Variants in NOTCH3 observed in about 807,000 individuals in gnomAD.
NOTCH3 encodes notch receptor 3, also known as neurogenic locus notch homolog protein 3.
In NOTCH3, 86 loss-of-function variants were observed where a neutral mutation model predicts 213.3. That is an observed-to-expected ratio of 0.40 (90% confidence interval 0.34 to 0.48). The LOEUF (loss-of-function observed/expected upper bound fraction) is 0.48, where lower values mean the gene tolerates loss of function less well. Ranked by LOEUF, NOTCH3 falls within the 20% of genes least tolerant of loss-of-function variation. The pLI is 0.57. For missense variants in NOTCH3, 2,783 were observed against 3,272.6 expected (o/e 0.85, Z 3.65); for synonymous variants, 1,354 against 1,355.9 (o/e 1.00, Z 0.03).
At chr19:15,163,958 C>T (rs1353448992) in intron 31 of NOTCH3, among the ~76,000 whole-genome samples, 1 of 152,162 alleles carries the variant, frequency 6.6e-6, no homozygotes, top group East Asian at 1.9e-4. Flanking sequence ...AAAAAGACCA[C>T]GTATCATATG....
In NOTCH3 at chr19:15,179,131, T is replaced by C; in HGVS notation, c.3612A>G (p.Ala1204=). 6.2e-7 allele frequency: 1 copy of C among 1,614,206 alleles called. No individual in the cohort carries two copies. The highest frequency in any genetic ancestry group is 8.5e-7 in the Non-Finnish European group (1 of 1,180,030). ...PPGYTGLRCE[A]DINECRSGAC... ...CACCTGAGCGACACTCATTGATGTC[T>C]GCCTCGCAGCGCAAACCAGTGTATC... Residue 1204 remains alanine, a synonymous_variant, in exon 22 of 33, where the codon GCA becomes GCG. Transcript: ENST00000263388.
Position 15,161,266 on chromosome 19 carries a change from A to G in NOTCH3, c.6362T>C (p.Phe2121Ser), listed in dbSNP as rs2145381827. The change falls in exon 33 of 33, where the codon TTC (phenylalanine) becomes TCC (serine). Residue 2121 changes from phenylalanine (F) to serine (S), a missense_variant. Physicochemically the swap from Phe to Ser is radical, Grantham distance 155. This residue lies in a region of NOTCH3 where 441 missense variants were observed against 432.1 expected (regional missense o/e 1.02). Transcript: ENST00000263388. Reference sequence around the variant, plus strand: ...AGCTGCATAGGGCCCCTCAAGGGGGAAGCCACCAGGGGAAGCAGGGGGCCC... The same window carrying G: ...AGCTGCATAGGGCCCCTCAAGGGGGGAGCCACCAGGGGAAGCAGGGGGCCC... ...FGGPPASPGG[F>S]PLEGPYAAAT... 2 of 1,544,594 alleles carry G rather than the reference A, an allele frequency of 1.3e-6. No individual in the cohort carries two copies. Among genetic ancestry groups the G allele is most frequent in the Admixed American group, 2.0e-5 (1 of 50,438 alleles).
At position 15,187,327 on chromosome 19, in the gene NOTCH3, T is replaced by C. The variant is rs1449425217; in HGVS notation, c.1618A>G (p.Thr540Ala). Residue 540 changes from threonine (T) to alanine (A), a missense_variant, in exon 11 of 33, where the codon ACG (threonine) becomes GCG (alanine). By Grantham distance (58) the Thr-to-Ala change is moderately conservative. Coordinates refer to ENST00000263388, the MANE Select transcript of NOTCH3 (RefSeq NM_000435.3). ...TCGTCCACGTTGCGATCACACAGCG[T>C]GCCCTCAAAGCCTGTGGGGCCAAGA... is the stretch of plus-strand genomic sequence containing the variant. ...ECRCAEGFEG[T>A]LCDRNVDDCS... 2 of 1,613,458 alleles carry C rather than the reference T, an allele frequency of 1.2e-6. No individual in the cohort carries two copies. Among genetic ancestry groups the C allele is most frequent in the Non-Finnish European group, 1.7e-6 (2 of 1,179,856 alleles).
Position 15,166,107 on chromosome 19 carries a change from T to C in NOTCH3, c.5363-16A>G, listed in dbSNP as rs778170909. On this transcript the variant is annotated splice_polypyrimidine_tract_variant and intron_variant, in intron 29 of 32. Coordinates refer to ENST00000263388, the MANE Select transcript of NOTCH3 (RefSeq NM_000435.3). Reference sequence around the variant, plus strand: ...GTGAAGCCATCTGCAGGGACAGGAGTGTGTCAGCAGGAAGGTAAACACAGG... The same window carrying C: ...GTGAAGCCATCTGCAGGGACAGGAGCGTGTCAGCAGGAAGGTAAACACAGG... The C allele has an allele frequency of 1.2e-6, 2 of 1,611,150 alleles. No homozygotes were observed. Among genetic ancestry groups the C allele is most frequent in the South Asian group, 2.2e-5 (2 of 90,992 alleles).
chr19:15,159,447 C>T lies in NOTCH3; in HGVS notation c.*1215G>A, dbSNP rs1376469166. 5.4e-6 allele frequency: 1 copy of T among 185,708 alleles called. No individual in the cohort carries two copies. Among genetic ancestry groups the T allele is most frequent in the Non-Finnish European group, 1.1e-5 (1 of 87,848 alleles). The allele number at this position is 185,708 out of a possible 1,614,324, so 11.5% of individuals were successfully genotyped here. On this transcript the variant is annotated 3_prime_UTR_variant, in exon 33 of 33. Transcript: ENST00000263388. The stretch of plus-strand genomic sequence containing the variant: ...TTCTCGAGCAAAAGAATCTGATTGG[C>T]TCAGCTTAAGTCAGGTGACAACCAC...
intron 28 of NOTCH3, among the ~76,000 whole-genome samples, chr19:15,168,694 C>A (rs2046705474): frequency 6.6e-6 from 1 of 152,002 alleles, no homozygotes; most frequent in African/African-American, 2.4e-5. Flanking sequence ...ATTAGCCGGG[C>A]ATGGTAGCAC....
chr19:15,177,781 C>T lies in NOTCH3; in HGVS notation c.4147G>A (p.Glu1383Lys). ...GCGGCGCGCGGGCACCGCGGCTCCT[C>T]CGAGACCTCGGGTGCCGCGGCGGGC... Reference protein sequence around the residue: ...EAPAAAPEVSEEPRCPRAACQ... With the variant: ...EAPAAAPEVSKEPRCPRAACQ... Residue 1383 changes from glutamate (E) to lysine (K), a missense_variant, in exon 24 of 33, where the codon GAG becomes AAG. By Grantham distance (56) the Glu-to-Lys change is moderately conservative. Around this residue, in one of 6 missense-constraint regions of NOTCH3, gnomAD observed 133 missense variants for 201.9 expected, o/e 0.66. Coordinates refer to ENST00000263388, the MANE Select transcript of NOTCH3 (RefSeq NM_000435.3). 1 of 1,320,886 alleles carries T rather than the reference C, an allele frequency of 7.6e-7. No individual in the cohort carries two copies. 81.8% of individuals were successfully genotyped at this position (1,320,886 alleles called of 1,614,324 possible).
chr19:15,187,427 T>A (rs560542002), intron 10 of NOTCH3, 89 bp from the exon 11 acceptor site: 1 of 1,170,494 alleles, frequency 8.5e-7, no homozygotes, highest in Non-Finnish European at 1.2e-6. Flanking sequence ...CAGCTCTATC[T>A]GAGGCCCTGC....
intron 2 of NOTCH3, 33 bp downstream of exon 2, chr19:15,197,467 G>A (rs2145450945): frequency 1.6e-6 from 1 of 614,502 alleles, no homozygotes; most frequent in Non-Finnish European, 2.9e-6. Flanking sequence ...CCCACACACA[G>A]GGCCCACTGG....
At position 15,181,787 on chromosome 19, in the gene NOTCH3, C is replaced by A. The variant is rs757098265; in HGVS notation, c.2581G>T (p.Gly861Cys). ...CCCACGCCGTCTTGGCACGAGCCAC[C>A]GTTCAGGCATGGGTCTGCGGACAGG... Reference protein sequence around the residue: ...NDCDPNPCLNGGSCQDGVGSF... With the variant: ...NDCDPNPCLNCGSCQDGVGSF... Residue 861 changes from glycine (G) to cysteine (C), a missense_variant, in exon 17 of 33, where the codon GGT becomes TGT. Physicochemically the swap from Gly to Cys is radical, Grantham distance 159 (BLOSUM62 -3). Transcript: ENST00000263388. 1.3e-6 allele frequency: 2 copies of A among 1,560,056 alleles called. No individual in the cohort carries two copies. The highest frequency in any genetic ancestry group is 1.9e-5 in the Admixed American group (1 of 52,118).
intron 24 of NOTCH3, among the ~76,000 whole-genome samples, chr19:15,175,548 A>AAT (rs1568352877): frequency 1.7e-5 from 1 of 58,914 alleles, no homozygotes; most frequent in East Asian, 4.5e-4. Flanking sequence ...AAAAAAAAAA[A>AAT]AAAAATACAT....
At chr19:15,175,336 C>T (rs2046778361) in intron 24 of NOTCH3, among the ~76,000 whole-genome samples, 1 of 108,612 alleles carries the variant, frequency 9.2e-6, no homozygotes, top group African/African-American at 5.6e-5. Context: ...AGTTCTAGGC[C>T]AGCCTGGCCA....
At chr19:15,167,719 A>G (rs1268356188) in intron 28 of NOTCH3, among the ~76,000 whole-genome samples, 1 of 151,832 alleles carries the variant, frequency 6.6e-6, no homozygotes, top group Non-Finnish European at 1.5e-5. Context: ...GTGTCCAGCT[A>G]ATTTTTTGTA....
rs1454178613 is a variant in NOTCH3 at position 15,170,077 on chromosome 19, G to GGGCA, written c.5199+5_5199+8dup. ...GAGGAGGGGGCAAAGGTCAGAGGGG[G>GGGCA]GGCAGTACCTTTAGCCGCTTGGCCT... is the stretch of plus-strand genomic sequence containing the variant. On this transcript the variant is annotated intron_variant, in intron 28 of 32. Transcript: ENST00000263388. 1 of 1,544,570 alleles carries GGGCA rather than the reference G, an allele frequency of 6.5e-7. No homozygotes were observed. The highest frequency in any genetic ancestry group is 8.8e-7 in the Non-Finnish European group (1 of 1,130,498).
Position 15,165,991 on chromosome 19 carries a change from G to C in NOTCH3, c.5463C>G (p.Ile1821Met). ...GAGCCCCCTGGCAGATCAGGTCGGA[G>C]ATGATGCTAGCTGATGTGTCATCTG... ...DEADDTSASIISDLICQGAQL... is the reference protein window; with the variant it reads ...DEADDTSASIMSDLICQGAQL... The change falls in exon 30 of 33, where the codon ATC becomes ATG. Residue 1821 changes from isoleucine to methionine, a missense_variant. Ile to Met is a conservative substitution (Grantham distance 10, BLOSUM62 1). Around this residue, in one of 6 missense-constraint regions of NOTCH3, gnomAD observed 636 missense variants for 801.8 expected, o/e 0.79. Coordinates refer to ENST00000263388, the MANE Select transcript of NOTCH3 (RefSeq NM_000435.3). The surrounding 1 kb of genome is among the most constrained non-coding windows in gnomAD (Gnocchi z 4.7). The C allele has an allele frequency of 6.2e-7, 1 of 1,614,204 alleles. No individual in the cohort carries two copies. The highest frequency in any genetic ancestry group is 8.5e-7 in the Non-Finnish European group (1 of 1,180,040).
chr19:15,161,415 C>A lies in NOTCH3; in HGVS notation c.6213G>T (p.Gly2071=). The A allele has an allele frequency of 1.3e-6, 2 of 1,528,354 alleles. No individual in the cohort carries two copies. Among genetic ancestry groups the A allele is most frequent in the Non-Finnish European group, 1.8e-6 (2 of 1,136,818 alleles). The allele number at this position is 1,528,354 out of a possible 1,614,324, so 94.7% of individuals were successfully genotyped here. ...KKSRRPPGKA[G]LGPQGPRGRG... is the part of the protein sequence containing the mutation. ...GCCCCCGGGGCCCCTGCGGCCCCAGCCCCGCCTTCCCGGGGGGCCTCCTGC... is the reference window on the plus strand; with the variant it reads ...GCCCCCGGGGCCCCTGCGGCCCCAGACCCGCCTTCCCGGGGGGCCTCCTGC... Residue 2071 remains glycine, a synonymous_variant, in exon 33 of 33, where the codon GGG becomes GGT. Coordinates refer to ENST00000263388, the MANE Select transcript of NOTCH3 (RefSeq NM_000435.3).
At position 15,167,331 on chromosome 19, in the gene NOTCH3, G is replaced by T; in HGVS notation, c.5280C>A (p.Ile1760=). The change falls in exon 29 of 33, where the codon ATC becomes ATA. Residue 1760 remains isoleucine (I), a synonymous_variant. Transcript: ENST00000263388. ...TCAGTGCCATGGCTGGTGCCACGCGGATGTCAGCAGCAACCAGATGGTGTT... is the reference window on the plus strand; with the variant it reads ...TCAGTGCCATGGCTGGTGCCACGCGTATGTCAGCAGCAACCAGATGGTGTT... The part of the protein sequence containing the change: ...WTQHHLVAAD[I]RVAPAMALTP... The T allele has an allele frequency of 6.2e-7, 1 of 1,613,170 alleles. No homozygotes were observed. The highest frequency in any genetic ancestry group is 8.5e-7 in the Non-Finnish European group (1 of 1,180,004).
chr19:15,195,866 A>T (rs2046965979), intron 2 of NOTCH3, among the ~76,000 whole-genome samples: 1 of 151,282 alleles, frequency 6.6e-6, no homozygotes, highest in Non-Finnish European at 1.5e-5. Flanking sequence ...GGCCGGTTCC[A>T]GCCCCAGCCC....
rs577890010 is a variant in NOTCH3, at chr19:15,159,589, A to G, written c.*1073T>C. ...CCTGGGTGGGGGAGATAGAAGTCCC[A>G]CTGCCACCACTCCCCACCTTACCTA... is the stretch of plus-strand genomic sequence containing the variant. On this transcript the variant is annotated 3_prime_UTR_variant, in exon 33 of 33. Coordinates refer to ENST00000263388, the MANE Select transcript of NOTCH3 (RefSeq NM_000435.3). 1.6e-4 allele frequency: 36 copies of G among 223,312 alleles called. No homozygotes were observed. The highest frequency in any genetic ancestry group is 7.1e-4 in the African/African-American group (32 of 44,932). 13.8% of individuals were successfully genotyped at this position (223,312 alleles called of 1,614,324 possible).
Sources: gnomAD v4.1 joint callset for allele counts (sites outside exome capture counted in the v4.1 genomes callset) on GRCh38, gnomAD v4.1.1 for gene constraint, gnomAD v4.1.1 regional missense constraint, Gnocchi (gnomAD v3.1) non-coding constraint, MANE v1.5 for transcripts, NCBI Gene and HGNC (gene_info 2026-07-23, HGNC 2026-07-21) for gene names.